Variants in PPP2R2C observed in about 807,000 individuals in gnomAD.
The protein encoded by PPP2R2C is protein phosphatase 2 regulatory subunit Bgamma, also known as protein phosphatase 2, regulatory subunit B, gamma.
A neutral mutation model predicts 45.3 loss-of-function variants in PPP2R2C; 10 were observed. The ratio of observed to expected loss-of-function variants is 0.22; its 90% confidence interval spans 0.14 to 0.37. The LOEUF (loss-of-function observed/expected upper bound fraction) is 0.37, where lower values mean the gene tolerates loss of function less well. PPP2R2C is among the 10% of genes least tolerant of loss of function. PPP2R2C has a pLI of 1.00. For missense variants in PPP2R2C, 308 were observed against 619.7 expected (o/e 0.50, Z 5.34); for synonymous variants, 257 against 245.4 (o/e 1.05, Z -0.44).
In PPP2R2C at chr4:6,387,533, G is replaced by A. The variant is rs192431825; in HGVS notation, c.71-6439C>T. Reference sequence around the variant, plus strand: ...ATTCGTCAAGAATGAAGGGCAGGCCGGGCACAGTGGCTCACACCTGTAATC... The same window carrying A: ...ATTCGTCAAGAATGAAGGGCAGGCCAGGCACAGTGGCTCACACCTGTAATC... On this transcript the variant is annotated intron_variant, in intron 1 of 8. Transcript: ENST00000382599. Among the ~76,000 whole-genome samples, 28 of 152,236 alleles carry A rather than the reference G, an allele frequency of 1.8e-4. 1 individual carries two copies. The East Asian group carries it at 4.4e-3, about 24-fold the overall frequency.
intron 1 of PPP2R2C, among the ~76,000 whole-genome samples, chr4:6,392,290 A>G (rs1405154201): frequency 2.1e-4 from 32 of 152,214 alleles, no homozygotes; most frequent in Admixed American, 1.8e-3. Flanking sequence ...TGTTGCATAC[A>G]CTGGAAATTC....
At chr4:6,522,319 C>A (rs2108814612) in intron 2 of PPP2R2C, among the ~76,000 whole-genome samples, 1 of 152,350 alleles carries the variant, frequency 6.6e-6, no homozygotes, top group East Asian at 1.9e-4. Context: ...ATGAACATAA[C>A]CCCAGCCGTG....
intron 1 of PPP2R2C, among the ~76,000 whole-genome samples, chr4:6,431,785 G>A (rs1052726809): frequency 3.3e-5 from 5 of 152,212 alleles, no homozygotes; most frequent in African/African-American, 7.2e-5. Context: ...TATGGCCTCA[G>A]TGGGTGGAGG....
At chr4:6,394,119 G>A (rs75202162) in intron 1 of PPP2R2C, among the ~76,000 whole-genome samples, 3,299 of 152,274 alleles carry the variant, frequency 0.022, 86 homozygotes, top group East Asian at 0.086. Flanking sequence ...CTGCCCAGAC[G>A]GACAGGACCA....
intron 1 of PPP2R2C, among the ~76,000 whole-genome samples, chr4:6,413,064 T>C (rs2109372678): frequency 6.6e-6 from 1 of 152,328 alleles, no homozygotes; most frequent in South Asian, 2.1e-4. Context: ...ACTCTAACAG[T>C]ATCATAAGCC....
At chr4:6,351,268 G>C (rs566507634) in intron 5 of PPP2R2C, 1 of 617,242 alleles carries the variant, frequency 1.6e-6, no homozygotes, top group African/African-American at 2.0e-5. Context: ...AGCTGAGATC[G>C]CGCCACTGCA....
At chr4:6,382,499 C>T in intron 1 of PPP2R2C, 2 of 1,352,090 alleles carry the variant, frequency 1.5e-6, no homozygotes, top group Non-Finnish European at 2.0e-6. Context: ...ATTCAAAACC[C>T]TTCATTGGTC....
chr4:6,530,447 C>T (rs1277713507), intron 2 of PPP2R2C, among the ~76,000 whole-genome samples: 4 of 152,172 alleles, frequency 2.6e-5, no homozygotes, highest in African/African-American at 4.8e-5. Context: ...GCCCGGGAGG[C>T]GCTGCTTTGG....
chr4:6,475,023 T>C (rs4689010), upstream of PPP2R2C, among the ~76,000 whole-genome samples: 146,944 of 152,318 alleles, frequency 0.96, 71,107 homozygotes, highest in East Asian at 1. Flanking sequence ...CTACTATGTG[T>C]AGGCATGTTC....
intron 2 of PPP2R2C, among the ~76,000 whole-genome samples, chr4:6,526,436 G>A (rs1724212267): frequency 6.6e-6 from 1 of 152,226 alleles, no homozygotes; most frequent in Non-Finnish European, 1.5e-5. Context: ...TTAACAGTTT[G>A]TTTTTGGGGT....
chr4:6,374,744 C>T lies in PPP2R2C; in HGVS notation c.447+1075G>A, dbSNP rs35555309. On this transcript the variant is annotated intron_variant, in intron 4 of 8. Coordinates refer to ENST00000382599, the MANE Select transcript of PPP2R2C (RefSeq NM_020416.4). ...GCTGGGGACACTTTGGGGACAGGTA[C>T]TGAGTTGAACCTTGCTCACCTCTAG... Among the ~76,000 whole-genome samples the T allele has an allele frequency of 3.1e-3, 474 of 152,314 alleles. 1 individual carries two copies. The highest frequency in any genetic ancestry group is 4.5e-3 in the Non-Finnish European group (306 of 68,030).
chr4:6,487,999 C>T (rs1480180654), intron 2 of PPP2R2C, among the ~76,000 whole-genome samples: 1 of 152,086 alleles, frequency 6.6e-6, no homozygotes, highest in Admixed American at 6.5e-5. Context: ...TCTGCAATGT[C>T]CTCTCTGCTG....
chr4:6,520,845 T>C (rs1723996175), intron 2 of PPP2R2C, among the ~76,000 whole-genome samples: 1 of 152,228 alleles, frequency 6.6e-6, no homozygotes, highest in Non-Finnish European at 1.5e-5. Context: ...GCTGGAGTTA[T>C]CAGCCATGTT....
intron 1 of PPP2R2C, among the ~76,000 whole-genome samples, chr4:6,386,324 C>A (rs534138977): frequency 6.6e-6 from 1 of 150,872 alleles, no homozygotes; most frequent in Non-Finnish European, 1.5e-5. Flanking sequence ...GATAGAGCAG[C>A]AAACAGAGTC....
chr4:6,543,038 G>A (rs909926691), intron 1 of PPP2R2C, among the ~76,000 whole-genome samples: 1 of 150,750 alleles, frequency 6.6e-6, no homozygotes, highest in African/African-American at 2.4e-5. Flanking sequence ...CTCAGAGAGG[G>A]GCCACCCAGA....
intron 1 of PPP2R2C, among the ~76,000 whole-genome samples, chr4:6,556,091 TG>T (rs904561982): frequency 5.9e-5 from 9 of 152,152 alleles, no homozygotes; most frequent in African/African-American, 2.2e-4. Flanking sequence ...AGGATGCCTC[TG>T]GGGAGCATCC....
At chr4:6,423,361 G>A (rs1284878338) in intron 1 of PPP2R2C, among the ~76,000 whole-genome samples, 5 of 152,228 alleles carry the variant, frequency 3.3e-5, no homozygotes, top group African/African-American at 7.2e-5. Context: ...ACACCACCAC[G>A]CCCAGCTAAT....
chr4:6,368,260 C>T lies in PPP2R2C; in HGVS notation c.625+4263G>A, dbSNP rs1025108993. Among the ~76,000 whole-genome samples, 1 of 152,216 alleles carries T rather than the reference C, an allele frequency of 6.6e-6. No homozygotes were observed. Among genetic ancestry groups the T allele is most frequent in the African/African-American group, 2.4e-5 (1 of 41,462 alleles). ...ACACCCCTGGCTTACCCTCCACCGA[C>T]CTGAGGCCTGCAGCCAGCAGCAGGC... On this transcript the variant is annotated intron_variant, in intron 5 of 8. Coordinates refer to ENST00000382599, the MANE Select transcript of PPP2R2C (RefSeq NM_020416.4). The surrounding 1 kb of genome is among the most constrained non-coding windows in gnomAD (Gnocchi z 4.2).
intron 2 of PPP2R2C, among the ~76,000 whole-genome samples, chr4:6,503,191 C>T (rs1723114438): frequency 6.6e-6 from 1 of 152,196 alleles, no homozygotes. Context: ...CATGGCCTGC[C>T]CCAGCACTCC....
Sources: gnomAD v4.1 joint callset for allele counts (sites outside exome capture counted in the v4.1 genomes callset) on GRCh38, gnomAD v4.1.1 for gene constraint, Gnocchi (gnomAD v3.1) non-coding constraint, MANE v1.5 for transcripts, NCBI Gene and HGNC (gene_info 2026-07-23, HGNC 2026-07-21) for gene names.